Variants in TNIK observed in about 807,000 individuals in gnomAD.
TNIK encodes the protein TRAF2 and NCK interacting kinase, also known as TRAF2 and NCK-interacting protein kinase.
TNIK carries 49 observed loss-of-function variants against 191.3 expected under a neutral mutation model. That is an observed-to-expected ratio of 0.26 (90% confidence interval 0.20 to 0.32). TNIK has a LOEUF of 0.32. Ranked by LOEUF, TNIK falls within the 10% of genes least tolerant of loss-of-function variation. The probability of loss-of-function intolerance (pLI) is 1.00; values close to 1 mark genes in which losing one functional copy is unlikely to be tolerated. For synonymous variants in TNIK, 594 were observed against 600.9 expected (o/e 0.99, Z 0.17); for missense variants, 1,155 against 1,702.3 (o/e 0.68, Z 5.66).
chr3:171,429,835 C>T (rs1039803619), intron 1 of TNIK, among the ~76,000 whole-genome samples: 9 of 152,158 alleles, frequency 5.9e-5, no homozygotes, highest in Non-Finnish European at 8.8e-5. Flanking sequence ...CTTTCACATA[C>T]ATTCTAACCA....
In TNIK at chr3:171,175,318, A is replaced by G; in HGVS notation, c.707T>C (p.Met236Thr). 6.2e-7 allele frequency: 1 copy of G among 1,610,654 alleles called. No individual in the cohort carries two copies. Among genetic ancestry groups the G allele is most frequent in the Non-Finnish European group, 8.5e-7 (1 of 1,178,654 alleles). Reference protein sequence around the residue: ...MAEGAPPLCDMHPMRALFLIP... With the variant: ...MAEGAPPLCDTHPMRALFLIP... ...GAGGAAGAGAGCTCTCATGGGGTGCATGTCACAGAGAGCTGCAAGAGACCA... is the reference window on the plus strand; with the variant it reads ...GAGGAAGAGAGCTCTCATGGGGTGCGTGTCACAGAGAGCTGCAAGAGACCA... Residue 236 changes from methionine (M) to threonine (T), a missense_variant, in exon 9 of 33, where the codon ATG (methionine) becomes ACG (threonine). By Grantham distance (81) the Met-to-Thr change is moderately conservative (BLOSUM62 -1). Transcript: ENST00000436636.
chr3:171,177,236 GA>G, intron 8 of TNIK, 89 bp downstream of exon 8: 3 of 1,386,178 alleles, frequency 2.2e-6, no homozygotes, highest in Non-Finnish European at 3.0e-6. Flanking sequence ...CGGTGTAGTG[GA>G]AGTAAAGCAA....
intron 2 of TNIK, among the ~76,000 whole-genome samples, chr3:171,291,422 CT>C (rs1037809630): frequency 1.3e-5 from 2 of 152,168 alleles, no homozygotes; most frequent in African/African-American, 2.4e-5. Flanking sequence ...TAGTGCAGAT[CT>C]GCTGATAGTG....
chr3:171,127,651 G>A (rs1728673803), intron 16 of TNIK, among the ~76,000 whole-genome samples: 1 of 152,080 alleles, frequency 6.6e-6, no homozygotes, highest in South Asian at 2.1e-4. Context: ...AGAAATTCCT[G>A]TAAAAAAATG....
chr3:171,338,465 C>T (rs1320909497), intron 2 of TNIK, among the ~76,000 whole-genome samples: 1 of 151,890 alleles, frequency 6.6e-6, no homozygotes, highest in African/African-American at 2.4e-5. Flanking sequence ...ACTATGTGTG[C>T]CAAGAAATGT....
At chr3:171,222,575 T>C (rs770074737) in intron 3 of TNIK, among the ~76,000 whole-genome samples, 1 of 152,176 alleles carries the variant, frequency 6.6e-6, no homozygotes, top group Non-Finnish European at 1.5e-5. Context: ...CTTGGAACAA[T>C]GTGTCCACCT....
At position 171,196,613 on chromosome 3, in the gene TNIK, T is replaced by C. The variant is rs113211048; in HGVS notation, c.307-1978A>G. 5.2e-3 allele frequency among the ~76,000 whole-genome samples: 799 copies of C among 152,198 alleles called. 6 individuals are homozygous for C. The highest frequency in any genetic ancestry group is 0.013 in the Admixed American group (192 of 15,294). ...AGAAAAAAAGAGACGCAAAGAAAAC[T>C]TATAGATTTAAAAACACTTAGATAC... On this transcript the variant is annotated intron_variant, in intron 4 of 32. Transcript: ENST00000436636.
At chr3:171,149,460 A>G (rs1732133796) in intron 12 of TNIK, among the ~76,000 whole-genome samples, 1 of 152,198 alleles carries the variant, frequency 6.6e-6, no homozygotes, top group South Asian at 2.1e-4. Context: ...ACACTACAAA[A>G]TAGGGATGTC....
intron 28 of TNIK, among the ~76,000 whole-genome samples, chr3:171,075,007 C>T (rs1034274799): frequency 1.8e-4 from 28 of 152,124 alleles, no homozygotes; most frequent in African/African-American, 6.3e-4. Flanking sequence ...AGAAGGAAGA[C>T]GTCAGAAATG....
intron 23 of TNIK, among the ~76,000 whole-genome samples, chr3:171,092,424 G>A (rs1015147659): frequency 2.6e-5 from 4 of 152,130 alleles, no homozygotes; most frequent in Non-Finnish European, 4.4e-5. Flanking sequence ...ATTAGAAATC[G>A]GAGTCCTTTT....
intron 2 of TNIK, among the ~76,000 whole-genome samples, chr3:171,267,711 C>A (rs1748560166): frequency 6.6e-6 from 1 of 152,116 alleles, no homozygotes; most frequent in African/African-American, 2.4e-5. Context: ...TGACTACAGC[C>A]TTTTAGATAG....
intron 2 of TNIK, among the ~76,000 whole-genome samples, chr3:171,333,586 A>G (rs912583732): frequency 1.4e-3 from 27 of 19,222 alleles, no homozygotes; most frequent in African/African-American, 0.011. Context: ...AAAAGAAAGA[A>G]AAAAAAAAAA....
At chr3:171,123,965 T>C (rs1238082915) in intron 17 of TNIK, among the ~76,000 whole-genome samples, 2 of 152,150 alleles carry the variant, frequency 1.3e-5, no homozygotes, top group African/African-American at 4.8e-5. Context: ...TAAAGATAGG[T>C]AAAGCTAATA....
rs1172959783 is a variant in TNIK at position 171,059,289 on chromosome 3, T to C, written c.*4592A>G. 6.6e-6 allele frequency among the ~76,000 whole-genome samples: 1 copy of C among 152,218 alleles called. No homozygotes were observed. Among genetic ancestry groups the C allele is most frequent in the East Asian group, 1.9e-4 (1 of 5,206 alleles). ...GAAGAATCCAAGATTTTGATCTAGA[T>C]TTAAAATAACTCAAACATTACCCAG... On this transcript the variant is annotated 3_prime_UTR_variant, in exon 33 of 33. Coordinates refer to ENST00000436636, the MANE Select transcript of TNIK (RefSeq NM_015028.4).
chr3:171,340,216 C>A (rs938342068), intron 2 of TNIK, among the ~76,000 whole-genome samples: 2 of 152,158 alleles, frequency 1.3e-5, no homozygotes, highest in East Asian at 3.8e-4. Context: ...CAGCAATAGT[C>A]TCTAGGCAGT....
chr3:171,398,264 G>C (rs1181008996), intron 1 of TNIK, among the ~76,000 whole-genome samples: 1 of 152,144 alleles, frequency 6.6e-6, no homozygotes, highest in African/African-American at 2.4e-5. Context: ...AGTTTCCACT[G>C]TGTAGTTCCA....
At position 171,101,461 on chromosome 3, in the gene TNIK, A is replaced by G; in HGVS notation, c.2579T>C (p.Ile860Thr). The G allele has an allele frequency of 6.2e-7, 1 of 1,611,136 alleles. No homozygotes were observed. Among genetic ancestry groups the G allele is most frequent in the East Asian group, 2.2e-5 (1 of 44,860 alleles). ...GTAGTTCTCTTACATCAGTCTGGGT[A>G]TGTCGCTGACAGCCACTGTCCCATC... is the stretch of plus-strand genomic sequence containing the variant. ...THDGTVAVSDIPRLIPTGAPG... is the reference protein window; with the variant it reads ...THDGTVAVSDTPRLIPTGAPG... The change falls in exon 22 of 33, where the codon ATA becomes ACA. Residue 860 changes from isoleucine (I) to threonine (T), a missense_variant. Transcript: ENST00000436636.
chr3:171,460,341 T>A lies in TNIK; in HGVS notation c.-278A>T. 1.8e-6 allele frequency: 1 copy of A among 544,866 alleles called. No homozygotes were observed. The highest frequency in any genetic ancestry group is 3.3e-6 in the Non-Finnish European group (1 of 306,302). 33.8% of individuals were successfully genotyped at this position (544,866 alleles called of 1,614,324 possible). Reference sequence around the variant, plus strand: ...ATCGGCTAAGGGCGCTGGGGCTGCGTGGGTGTATTTAAATGGGACATGCTT... The same window carrying A: ...ATCGGCTAAGGGCGCTGGGGCTGCGAGGGTGTATTTAAATGGGACATGCTT... On this transcript the variant is annotated 5_prime_UTR_variant, in exon 1 of 33. Coordinates refer to ENST00000436636, the MANE Select transcript of TNIK (RefSeq NM_015028.4). This position sits in a 1 kb window ranked among gnomAD's most constrained non-coding sequence, Gnocchi z 6.8.
chr3:171,060,058 TAAAGC>T lies in TNIK; in HGVS notation c.*3818_*3822del, dbSNP rs992047375. ...AAATAATGTAGCACATCTTACATCT[TAAAGC>T]AATCAGCACAAATGCAAGTGATGCC... is the stretch of plus-strand genomic sequence containing the variant. On this transcript the variant is annotated 3_prime_UTR_variant, in exon 33 of 33. Transcript: ENST00000436636. Among the ~76,000 whole-genome samples, 45 of 152,306 alleles carry T rather than the reference TAAAGC, an allele frequency of 3.0e-4. No homozygotes were observed. The highest frequency in any genetic ancestry group is 8.9e-4 in the African/African-American group (37 of 41,570).
Sources: allele counts gnomAD v4.1 joint callset (sites outside exome capture counted in the v4.1 genomes callset), GRCh38; gene constraint gnomAD v4.1.1; non-coding constraint Gnocchi (gnomAD v3.1); transcripts MANE v1.5; gene names NCBI Gene and HGNC (gene_info 2026-07-23, HGNC 2026-07-21).